Variants in LMX1B observed in about 807,000 individuals in gnomAD.
LMX1B encodes LIM homeobox transcription factor 1-beta.
LMX1B carries 12 observed loss-of-function variants against 51.4 expected under a neutral mutation model. The ratio of observed to expected loss-of-function variants is 0.23; its 90% CI spans 0.15 to 0.38. LMX1B has a LOEUF of 0.38. LMX1B is among the 10% of genes least tolerant of loss of function. The pLI, the probability that LMX1B is intolerant of heterozygous loss-of-function variation, is 1.00. For missense variants in LMX1B, 445 were observed against 571.1 expected, an observed-to-expected ratio of 0.78 and a Z score of 2.25; for synonymous variants, 237 against 235.4, an observed-to-expected ratio of 1.01 and a Z score of -0.06.
chr9:126,628,487 C>A (rs921461129), intron 2 of LMX1B, among the ~76,000 whole-genome samples: 5 of 152,222 alleles, frequency 3.3e-5, no homozygotes, highest in South Asian at 2.1e-4. Flanking sequence ...AGGCCGCCAG[C>A]AACAGCCAGG....
chr9:126,640,698 G>C (rs544262639), intron 2 of LMX1B: 1 of 152,464 alleles, frequency 6.6e-6, no homozygotes, highest in East Asian at 1.9e-4. Flanking sequence ...CTGTCCCAGA[G>C]CTCGGTTCCA....
chr9:126,693,707 C>T (rs758015009), intron 5 of LMX1B, 39 bp from the exon 6 acceptor site: 7 of 1,573,592 alleles, frequency 4.4e-6, no homozygotes, highest in African/African-American at 1.3e-5. Flanking sequence ...TGCCTGGGGG[C>T]GAGGGGCAGC....
chr9:126,688,391 G>A (rs2029987734), intron 2 of LMX1B, among the ~76,000 whole-genome samples: 1 of 152,196 alleles, frequency 6.6e-6, no homozygotes, highest in African/African-American at 2.4e-5. Context: ...CCTGGCCTGG[G>A]ACCCTGGGAC....
rs1471991627 is a variant in LMX1B, at chr9:126,615,085, C to T, written c.140-298C>T. Among the ~76,000 whole-genome samples the T allele has an allele frequency of 6.6e-6, 1 of 152,074 alleles. No individual in the cohort carries two copies. The highest frequency in any genetic ancestry group is 2.4e-5 in the African/African-American group (1 of 41,420). On this transcript the variant is annotated intron_variant, in intron 1 of 7. Coordinates refer to ENST00000373474, the MANE Select transcript of LMX1B (RefSeq NM_001174147.2). The surrounding 1 kb of genome is among the most constrained non-coding windows in gnomAD (Gnocchi z 6.0). The stretch of plus-strand genomic sequence containing the variant: ...GTCTTGGTCCCAGCCGGCCACCCTG[C>T]GCCGTGCTCGTTGTCATTTGTCTTA...
Position 126,693,614 on chromosome 9 carries a change from C to T in LMX1B, c.819+13C>T. The T allele has an allele frequency of 6.2e-7, 1 of 1,613,888 alleles. No homozygotes were observed. The highest frequency in any genetic ancestry group is 8.5e-7 in the Non-Finnish European group (1 of 1,179,776). On this transcript the variant is annotated intron_variant, in intron 5 of 7. Transcript: ENST00000373474. ...CCAAAGAGCAAAGGTAAGAGGCCACCCCCCATCCCCACTGGCCCCGGGTAG... is the reference window on the plus strand; with the variant it reads ...CCAAAGAGCAAAGGTAAGAGGCCACTCCCCATCCCCACTGGCCCCGGGTAG...
intron 2 of LMX1B, among the ~76,000 whole-genome samples, chr9:126,670,013 G>A (rs1172968755): frequency 6.6e-6 from 1 of 152,148 alleles, no homozygotes; most frequent in African/African-American, 2.4e-5. Flanking sequence ...TAGGGGTGAG[G>A]TCACCCAACA....
rs538285659 is a variant in LMX1B at position 126,638,335 on chromosome 9, C to T, written c.326+22766C>T. ...GTTTCCCTGGGAGGAGCAAGGTGAA[C>T]GACGGGGCCTCCAGGGCTCCCCAGG... On this transcript the variant is annotated intron_variant, in intron 2 of 7. Coordinates refer to ENST00000373474, the MANE Select transcript of LMX1B (RefSeq NM_001174147.2). 1.7e-3 allele frequency among the ~76,000 whole-genome samples: 252 copies of T among 152,210 alleles called. 1 individual carries two copies. The highest frequency in any genetic ancestry group is 5.7e-3 in the African/African-American group (235 of 41,554).
intron 2 of LMX1B, among the ~76,000 whole-genome samples, chr9:126,643,716 G>A (rs187769758): frequency 6.6e-6 from 1 of 152,238 alleles, no homozygotes; most frequent in South Asian, 2.1e-4. Context: ...TCAGTACAGG[G>A]CCACAGGGTG....
At chr9:126,664,527 G>A (rs562082599) in intron 2 of LMX1B, among the ~76,000 whole-genome samples, 1 of 152,320 alleles carries the variant, frequency 6.6e-6, no homozygotes, top group Admixed American at 6.5e-5. Flanking sequence ...TCCCTTGTCT[G>A]TAGAATGGGA....
chr9:126,685,566 G>A (rs1217601089), intron 2 of LMX1B, among the ~76,000 whole-genome samples: 1 of 152,182 alleles, frequency 6.6e-6, no homozygotes, highest in African/African-American at 2.4e-5. Flanking sequence ...GGACAGGGTT[G>A]CCTTGAGGAG....
In LMX1B at chr9:126,615,709, G is replaced by C; in HGVS notation, c.326+140G>C. On this transcript the variant is annotated intron_variant, in intron 2 of 7. Coordinates refer to ENST00000373474, the MANE Select transcript of LMX1B (RefSeq NM_001174147.2). This position sits in a 1 kb window ranked among gnomAD's most constrained non-coding sequence, Gnocchi z 6.0. ...GGCAGCTCCAAGGGTTCCGAGAGCT[G>C]CGCGTCTTGGGGCTGGGGCGGACCA... 1 of 748,506 alleles carries C rather than the reference G, an allele frequency of 1.3e-6. No homozygotes were observed. Among genetic ancestry groups the C allele is most frequent in the Non-Finnish European group, 2.0e-6 (1 of 501,078 alleles). 46.4% of individuals were successfully genotyped at this position (748,506 alleles called of 1,614,324 possible).
chr9:126,638,114 C>T (rs1260684328), intron 2 of LMX1B, among the ~76,000 whole-genome samples: 2 of 152,006 alleles, frequency 1.3e-5, no homozygotes. Flanking sequence ...GGAGAGGGGG[C>T]AGCAGTTCCA....
chr9:126,642,108 CAT>C (rs1432459707), intron 2 of LMX1B, among the ~76,000 whole-genome samples: 2 of 152,128 alleles, frequency 1.3e-5, no homozygotes, highest in Non-Finnish European at 2.9e-5. Context: ...AGTTTGTGCT[CAT>C]ATGTGTGTCC....
rs187054330 is a variant in LMX1B at position 126,677,278 on chromosome 9, G to A, written c.327-13558G>A. 3.2e-3 allele frequency among the ~76,000 whole-genome samples: 489 copies of A among 152,260 alleles called. 1 individual carries two copies. The highest frequency in any genetic ancestry group is 0.011 in the African/African-American group (469 of 41,544). ...TTTCATATACCTCCTTTTAATTCCTGCTCCTGCCCCCTCCTCTCCGAGCTC... is the reference window on the plus strand; with the variant it reads ...TTTCATATACCTCCTTTTAATTCCTACTCCTGCCCCCTCCTCTCCGAGCTC... On this transcript the variant is annotated intron_variant, in intron 2 of 7. Transcript: ENST00000373474. The surrounding 1 kb of genome is among the most constrained non-coding windows in gnomAD (Gnocchi z 5.0).
chr9:126,646,645 C>A (rs1237271988), intron 2 of LMX1B, among the ~76,000 whole-genome samples: 1 of 152,238 alleles, frequency 6.6e-6, no homozygotes, highest in East Asian at 1.9e-4. Flanking sequence ...ATGAGCCCCT[C>A]AGCCCCTGGG....
chr9:126,679,949 C>T (rs753167539), intron 2 of LMX1B, among the ~76,000 whole-genome samples: 4 of 152,214 alleles, frequency 2.6e-5, no homozygotes, highest in East Asian at 1.9e-4. Flanking sequence ...GCCCTCCACC[C>T]GGCTAAGTTT....
At chr9:126,655,572 G>A (rs1208799576) in intron 2 of LMX1B, among the ~76,000 whole-genome samples, 4 of 152,150 alleles carry the variant, frequency 2.6e-5, no homozygotes, top group Admixed American at 6.5e-5. Context: ...TTTTGTTCAC[G>A]GATGTATTCT....
chr9:126,659,178 C>T (rs896643549), intron 2 of LMX1B, among the ~76,000 whole-genome samples: 1 of 152,236 alleles, frequency 6.6e-6, no homozygotes, highest in African/African-American at 2.4e-5. Context: ...GGGCCCCCTT[C>T]CCCCATAGAG....
At position 126,615,707 on chromosome 9, in the gene LMX1B, C is replaced by A; in HGVS notation, c.326+138C>A. Reference sequence around the variant, plus strand: ...CGGGCAGCTCCAAGGGTTCCGAGAGCTGCGCGTCTTGGGGCTGGGGCGGAC... The same window carrying A: ...CGGGCAGCTCCAAGGGTTCCGAGAGATGCGCGTCTTGGGGCTGGGGCGGAC... On this transcript the variant is annotated intron_variant, in intron 2 of 7. Coordinates refer to ENST00000373474, the MANE Select transcript of LMX1B (RefSeq NM_001174147.2). This position sits in a 1 kb window ranked among gnomAD's most constrained non-coding sequence, Gnocchi z 6.0. 1.3e-6 allele frequency: 1 copy of A among 762,494 alleles called. No homozygotes were observed. Among genetic ancestry groups the A allele is most frequent in the Non-Finnish European group, 1.9e-6 (1 of 513,402 alleles). The allele number at this position is 762,494 out of a possible 1,614,324, so 47.2% of individuals were successfully genotyped here.
Sources: gnomAD v4.1 joint callset for allele counts (sites outside exome capture counted in the v4.1 genomes callset) on GRCh38, gnomAD v4.1.1 for gene constraint, Gnocchi (gnomAD v3.1) non-coding constraint, MANE v1.5 for transcripts, NCBI Gene and HGNC (gene_info 2026-07-23, HGNC 2026-07-21) for gene names.